INTS6: variants seen among roughly 807,000 people sequenced by gnomAD.
INTS6 encodes integrator complex subunit 6.
In INTS6, 16 loss-of-function variants were observed where a neutral mutation model predicts 104.9. The observed-to-expected ratio is 0.15, with a 90% CI of 0.10 to 0.23. The LOEUF is 0.23. Among genes scored for constraint, INTS6 ranks in the 10% least tolerant of loss-of-function variants. The pLI, the probability that INTS6 is intolerant of heterozygous loss-of-function variation, is 1.00. For missense variants in INTS6, 584 were observed against 1,062.8 expected (o/e 0.55, Z 6.26); for synonymous variants, 324 against 358.7 (o/e 0.90, Z 1.09).
At chr13:51,440,018 C>G (rs1469090623) in intron 3 of INTS6, 1 of 152,402 alleles carries the variant, frequency 6.6e-6, no homozygotes, top group Non-Finnish European at 1.5e-5. Context: ...GCGGGCGGAT[C>G]ATGAGGTCAG....
intron 3 of INTS6, chr13:51,439,116 T>C (rs576352160): frequency 1.1e-4 from 17 of 152,342 alleles, no homozygotes; most frequent in Middle Eastern, 3.4e-3. Flanking sequence ...TGTCATTTCC[T>C]AGCTACAAAC....
At chr13:51,392,850 C>T (rs1222938194) in intron 5 of INTS6, among the ~76,000 whole-genome samples, 3 of 152,024 alleles carry the variant, frequency 2.0e-5, no homozygotes, top group African/African-American at 7.3e-5. Context: ...ACTCCCAACA[C>T]CCAGTAACAG....
intron 2 of INTS6, 69 bp from the exon 3 acceptor site, chr13:51,451,243 T>A (rs1953035762): frequency 7.8e-7 from 1 of 1,289,788 alleles, no homozygotes; most frequent in Non-Finnish European, 1.0e-6. Context: ...CGTTATAATC[T>A]GACGTTCACC....
intron 4 of INTS6, among the ~76,000 whole-genome samples, chr13:51,417,087 G>A (rs908271682): frequency 7.2e-5 from 11 of 152,084 alleles, no homozygotes; most frequent in East Asian, 3.9e-4. Flanking sequence ...TTATTTTTAT[G>A]TTGTTACAGT....
intron 4 of INTS6, among the ~76,000 whole-genome samples, chr13:51,422,232 T>G (rs1956907987): frequency 6.6e-6 from 1 of 152,112 alleles, no homozygotes; most frequent in South Asian, 2.1e-4. Flanking sequence ...CACCCACATC[T>G]CAGTTAACAC....
chr13:51,374,094 C>G, intron 15 of INTS6, 114 bp downstream of exon 15: 1 of 737,246 alleles, frequency 1.4e-6, no homozygotes, highest in African/African-American at 1.8e-5. Context: ...TCTATACATT[C>G]ATTCACTCAT....
At chr13:51,406,528 T>G (rs139590565) in intron 4 of INTS6, among the ~76,000 whole-genome samples, 10 of 152,276 alleles carry the variant, frequency 6.6e-5, no homozygotes, top group African/African-American at 2.4e-4. Context: ...ACCTCCTAAG[T>G]ATCTCTTGAA....
Position 51,382,098 on chromosome 13 carries a change from T to C in INTS6, c.1206A>G (p.Ala402=), listed in dbSNP as rs1367309610. ...LLDDLFKVHK[A]KPTLKWRQSF... is the part of the protein sequence containing the mutation. ...ACTGTCTCCACTTCAATGTTGGTTTTGCTTTATGCACTTTAAACAAGTCAT... is the reference window on the plus strand; with the variant it reads ...ACTGTCTCCACTTCAATGTTGGTTTCGCTTTATGCACTTTAAACAAGTCAT... The change falls in exon 10 of 18, where the codon GCA becomes GCG. Residue 402 remains alanine (A), a synonymous_variant. Transcript: ENST00000311234. The C allele has an allele frequency of 1.9e-6, 3 of 1,611,352 alleles. 1 individual carries two copies. The highest frequency in any genetic ancestry group is 1.3e-5 in the African/African-American group (1 of 75,008).
Position 51,362,763 on chromosome 13 carries a change from T to C in INTS6, c.*2989A>G, listed in dbSNP as rs1476536567. 2 of 152,476 alleles carry C rather than the reference T, an allele frequency of 1.3e-5. No individual in the cohort carries two copies. The highest frequency in any genetic ancestry group is 4.8e-5 in the African/African-American group (2 of 41,452). The allele number at this position is 152,476 out of a possible 1,614,324, so 9.4% of individuals were successfully genotyped here. On this transcript the variant is annotated 3_prime_UTR_variant, in exon 18 of 18. Coordinates refer to ENST00000311234, the MANE Select transcript of INTS6 (RefSeq NM_012141.3). ...TTTACATAAATTGTTAAGGAAATACTGTCAACATCATTTTATCTGAGAATC... is the reference window on the plus strand; with the variant it reads ...TTTACATAAATTGTTAAGGAAATACCGTCAACATCATTTTATCTGAGAATC...
chr13:51,410,262 T>C (rs1223853103), intron 4 of INTS6, among the ~76,000 whole-genome samples: 8 of 152,172 alleles, frequency 5.3e-5, no homozygotes, highest in African/African-American at 1.9e-4. Context: ...TCAAAGGACC[T>C]AGAATAAACA....
chr13:51,429,472 A>T (rs1277752925), intron 4 of INTS6, among the ~76,000 whole-genome samples: 1 of 152,092 alleles, frequency 6.6e-6, no homozygotes, highest in African/African-American at 2.4e-5. Flanking sequence ...GTTAGCTATA[A>T]ATTTTTTATA....
chr13:51,415,056 A>G (rs1956762019), intron 4 of INTS6, among the ~76,000 whole-genome samples: 2 of 152,170 alleles, frequency 1.3e-5, no homozygotes, highest in African/African-American at 4.8e-5. Context: ...TAGAATATAT[A>G]AGAAACTCAC....
the INTS6 span, among the ~76,000 whole-genome samples, chr13:51,337,371 A>G: frequency 2.6e-5 from 4 of 152,252 alleles, no homozygotes; most frequent in Admixed American, 2.0e-4. Context: ...ATGTTAAACC[A>G]TAATTTTTAA....
intron 3 of INTS6, chr13:51,449,881 T>A (rs557083262): frequency 1.0e-6 from 1 of 985,350 alleles, no homozygotes; most frequent in African/African-American, 1.7e-5. Flanking sequence ...TAACTAAACG[T>A]TGGAAGTTCA....
At chr13:51,411,441 T>C (rs1956685791) in intron 4 of INTS6, among the ~76,000 whole-genome samples, 1 of 150,962 alleles carries the variant, frequency 6.6e-6, no homozygotes, top group Non-Finnish European at 1.5e-5. Context: ...TAACCCCAGC[T>C]ACCCGGGAGG....
Position 51,364,405 on chromosome 13 carries a change from A to G in INTS6, c.*1347T>C. On this transcript the variant is annotated 3_prime_UTR_variant, in exon 18 of 18. Transcript: ENST00000311234. ...AAAAGCTAAGGGTATGTGATTTTCAATATTATAAACCTAAAAATACTTCAG... is the reference window on the plus strand; with the variant it reads ...AAAAGCTAAGGGTATGTGATTTTCAGTATTATAAACCTAAAAATACTTCAG... 1 of 522,416 alleles carries G rather than the reference A, an allele frequency of 1.9e-6. No individual in the cohort carries two copies. Among genetic ancestry groups the G allele is most frequent in the Non-Finnish European group, 3.3e-6 (1 of 306,204 alleles). 32.4% of individuals were successfully genotyped at this position (522,416 alleles called of 1,614,324 possible).
intron 12 of INTS6, among the ~76,000 whole-genome samples, chr13:51,377,823 G>GA (rs978417330): frequency 2.6e-5 from 4 of 152,140 alleles, no homozygotes; most frequent in African/African-American, 9.6e-5. Flanking sequence ...ATAAATTTTA[G>GA]AATCAGCTTG....
Position 51,395,287 on chromosome 13 carries a change from G to A in INTS6, c.613+13C>T. 1 of 1,580,622 alleles carries A rather than the reference G, an allele frequency of 6.3e-7. No individual in the cohort carries two copies. ...GCTTTAAGTTACCAAATTACTGCCA[G>A]CAAAAAACTTACCGCCTGTCACTTC... On this transcript the variant is annotated intron_variant, in intron 5 of 17. Coordinates refer to ENST00000311234, the MANE Select transcript of INTS6 (RefSeq NM_012141.3).
chr13:51,377,334 T>C (rs1349931150), intron 12 of INTS6, among the ~76,000 whole-genome samples: 1 of 152,168 alleles, frequency 6.6e-6, no homozygotes, highest in African/African-American at 2.4e-5. Flanking sequence ...AATGTTTCTT[T>C]TAAAGAGCAA....
Sources: allele counts gnomAD v4.1 joint callset (sites outside exome capture counted in the v4.1 genomes callset), GRCh38; gene constraint gnomAD v4.1.1; transcripts MANE v1.5; gene names NCBI Gene and HGNC (gene_info 2026-07-23, HGNC 2026-07-21).